The following AR variants were observed in gnomAD, a reference collection of about 807,000 sequenced individuals.
AR encodes the protein androgen receptor.
In AR, 8 loss-of-function variants were observed where a neutral mutation model predicts 53.9. That is an observed-to-expected ratio of 0.15 (90% CI 0.09 to 0.27). The LOEUF is 0.27. Ranked by LOEUF, AR falls within the 10% of genes least tolerant of loss-of-function variation. The pLI, the probability that AR is intolerant of heterozygous loss-of-function variation, is 1.00. For missense variants in AR, 639 were observed against 742.5 expected, an observed-to-expected ratio of 0.86 and a Z score of 1.62; for synonymous variants, 359 against 316.4, an observed-to-expected ratio of 1.13 and a Z score of -1.43.
intron 1 of AR, among the ~76,000 whole-genome samples, chrX:67,640,321 G>T (rs942933942): frequency 2.7e-5 from 3 of 111,128 alleles, no homozygotes; most frequent in East Asian, 5.7e-4. Flanking sequence ...GTATCAGGAT[G>T]ATGCTGGCCC....
At chrX:67,631,239 C>A (rs1432612871) in intron 1 of AR, among the ~76,000 whole-genome samples, 1 of 111,484 alleles carries the variant, frequency 9.0e-6, no homozygotes, top group Non-Finnish European at 1.9e-5. Flanking sequence ...GAGTGTTTTC[C>A]AACTTGGTTC....
intron 4 of AR, among the ~76,000 whole-genome samples, chrX:67,713,050 A>G (rs1293392074): frequency 2.7e-5 from 3 of 112,011 alleles, no homozygotes; most frequent in Admixed American, 1.9e-4. Flanking sequence ...TCCTGATTCC[A>G]AATTCTCTCT....
chrX:67,695,436 C>G (rs2076015329), intron 3 of AR: 1 of 751,982 alleles, frequency 1.3e-6, no homozygotes, highest in Non-Finnish European at 1.6e-6. Context: ...CCTCTTACAT[C>G]TAGCCTTACT....
intron 2 of AR, among the ~76,000 whole-genome samples, chrX:67,679,731 A>G: frequency 8.9e-6 from 1 of 111,740 alleles, no homozygotes; most frequent in Non-Finnish European, 1.9e-5. Context: ...GGTCATTTGT[A>G]CTTCTAACTG....
At chrX:67,713,074 T>C (rs951964889) in intron 4 of AR, among the ~76,000 whole-genome samples, 9 of 112,089 alleles carry the variant, frequency 8.0e-5, no homozygotes, top group African/African-American at 2.9e-4. Context: ...CCACTCCACC[T>C]GTAGGCTGTA....
chrX:67,687,516 G>T (rs1442529947), intron 3 of AR, among the ~76,000 whole-genome samples: 2 of 111,968 alleles, frequency 1.8e-5, no homozygotes, highest in Admixed American at 1.9e-4. Flanking sequence ...ACTCAACCTT[G>T]TTTTGGTTTG....
chrX:67,626,436 C>CTTTCTCTCTT (rs1924642476), intron 1 of AR, among the ~76,000 whole-genome samples: 2 of 46,808 alleles, frequency 4.3e-5, no homozygotes, highest in African/African-American at 7.3e-5. Flanking sequence ...CAGGCTCTCT[C>CTTTCTCTCTT]TTTTTTTTTT....
At chrX:67,595,535 A>T (rs1923036056) in intron 1 of AR, among the ~76,000 whole-genome samples, 1 of 110,125 alleles carries the variant, frequency 9.1e-6, no homozygotes, top group Non-Finnish European at 1.9e-5. Context: ...TTATTTTATA[A>T]TGTTTCCCAT....
chrX:67,625,330 A>T (rs1221243849), intron 1 of AR, among the ~76,000 whole-genome samples: 1 of 111,668 alleles, frequency 9.0e-6, no homozygotes. Context: ...GTCAAGATGG[A>T]AATACTCCCC....
intron 1 of AR, among the ~76,000 whole-genome samples, chrX:67,617,138 C>CTAGGATTCTA (rs1924160757): frequency 9.0e-6 from 1 of 111,670 alleles, no homozygotes; most frequent in Non-Finnish European, 1.9e-5. Flanking sequence ...CTTAGCTTTT[C>CTAGGATTCTA]TGCCTTTTTG....
chrX:67,703,455 C>T (rs751796138), intron 3 of AR, among the ~76,000 whole-genome samples: 1 of 111,590 alleles, frequency 9.0e-6, no homozygotes, highest in Admixed American at 9.6e-5. Flanking sequence ...TTGTGGTTGT[C>T]TTAAATAATG....
chrX:67,693,011 AAC>A (rs1278371807), intron 3 of AR, among the ~76,000 whole-genome samples: 1 of 112,894 alleles, frequency 8.9e-6, no homozygotes, highest in African/African-American at 3.2e-5. Context: ...ATATGGAAAA[AAC>A]AGAGACTGCG....
At chrX:67,605,383 A>G (rs1356850132) in intron 1 of AR, among the ~76,000 whole-genome samples, 2 of 112,662 alleles carry the variant, frequency 1.8e-5, no homozygotes, top group Non-Finnish European at 3.7e-5. Flanking sequence ...CTAAGGACTC[A>G]GCCTCAGGCA....
At chrX:67,665,145 C>G (rs1927199357) in intron 2 of AR, among the ~76,000 whole-genome samples, 1 of 112,742 alleles carries the variant, frequency 8.9e-6, no homozygotes. Flanking sequence ...TTTGACACTC[C>G]CCTGTGAGAT....
In AR at chrX:67,725,665, G is replaced by A; in HGVS notation, c.*1824G>A. 1 of 175,683 alleles carries A rather than the reference G, an allele frequency of 5.7e-6. No homozygotes were observed. The allele number at this position is 175,683 out of a possible 1,213,427, so 14.5% of individuals were successfully genotyped here. A position where few individuals can be genotyped will look rare whatever the true frequency, so the allele number is the denominator to read the frequency against. ...AGTTTACTCATCATCCTCCTCTGCT[G>A]CTGATTCTGGGCTCTGACATTGCCC... On this transcript the variant is annotated 3_prime_UTR_variant, in exon 8 of 8. Transcript: ENST00000374690.
intron 1 of AR, among the ~76,000 whole-genome samples, chrX:67,551,550 T>C (rs750002661): frequency 8.9e-6 from 1 of 111,872 alleles, no homozygotes; most frequent in Non-Finnish European, 1.9e-5. Flanking sequence ...CATATTTACA[T>C]AGCATTCTTC....
At chrX:67,671,330 T>C (rs1417926553) in intron 2 of AR, among the ~76,000 whole-genome samples, 1 of 112,536 alleles carries the variant, frequency 8.9e-6, no homozygotes, top group African/African-American at 3.2e-5. Context: ...TGGTTTTGAT[T>C]TGCATTTCTC....
chrX:67,607,215 A>G (rs145765597), intron 1 of AR, among the ~76,000 whole-genome samples: 2,396 of 110,463 alleles, frequency 0.022, 68 homozygotes, highest in African/African-American at 0.074. Flanking sequence ...TTTTAGTAGA[A>G]ACAGGGTTTC....
Position 67,729,638 on chromosome X carries a change from G to A in AR, c.*5797G>A, listed in dbSNP as rs918264694. Reference sequence around the variant, plus strand: ...CTGGGGAATTAAATGAGAAGCCTTAGAATGGGTGGCCCTTGTGACCTGAAA... The same window carrying A: ...CTGGGGAATTAAATGAGAAGCCTTAAAATGGGTGGCCCTTGTGACCTGAAA... On this transcript the variant is annotated 3_prime_UTR_variant, in exon 8 of 8. Coordinates refer to ENST00000374690, the MANE Select transcript of AR (RefSeq NM_000044.6). 1 of 174,652 alleles carries A rather than the reference G, an allele frequency of 5.7e-6. No individual in the cohort carries two copies. The highest frequency in any genetic ancestry group is 8.1e-5 in the East Asian group (1 of 12,336). The allele number at this position is 174,652 out of a possible 1,213,427, so 14.4% of individuals were successfully genotyped here.
Sources: gnomAD v4.1 joint callset for allele counts (sites outside exome capture counted in the v4.1 genomes callset) on GRCh38, gnomAD v4.1.1 for gene constraint, MANE v1.5 for transcripts, NCBI Gene and HGNC (gene_info 2026-07-23, HGNC 2026-07-21) for gene names.